Variants in CPEB3 observed in about 807,000 individuals in gnomAD.
CPEB3 encodes the protein cytoplasmic polyadenylation element binding protein 3, also known as cytoplasmic polyadenylation element-binding protein 3.
CPEB3 carries 20 observed loss-of-function variants against 67.2 expected under a neutral mutation model. That is an observed-to-expected ratio of 0.30 (90% confidence interval 0.21 to 0.43). The LOEUF (loss-of-function observed/expected upper bound fraction) is 0.43, where lower values mean the gene tolerates loss of function less well. Among genes scored for constraint, CPEB3 ranks in the 20% least tolerant of loss-of-function variants. The probability of loss-of-function intolerance (pLI) is 1.00; values close to 1 mark genes in which losing one functional copy is unlikely to be tolerated. For missense variants in CPEB3, 746 were observed against 968.6 expected, an observed-to-expected ratio of 0.77 and a Z score of 3.05; for synonymous variants, 376 against 393.1, an observed-to-expected ratio of 0.96 and a Z score of 0.51.
chr10:92,091,081 T>C (rs1161567342), intron 8 of CPEB3, among the ~76,000 whole-genome samples: 1 of 152,206 alleles, frequency 6.6e-6, no homozygotes, highest in Non-Finnish European at 1.5e-5. Flanking sequence ...TTAGGTTACA[T>C]TTTATAATTC....
chr10:92,258,014 G>A (rs1265676016), intron 1 of CPEB3, among the ~76,000 whole-genome samples: 1 of 151,930 alleles, frequency 6.6e-6, no homozygotes, highest in Non-Finnish European at 1.5e-5. Context: ...ACAAGCGTGA[G>A]TTATCGTGCC....
At chr10:92,095,820 T>C (rs1410367319) in intron 7 of CPEB3, among the ~76,000 whole-genome samples, 115 of 151,850 alleles carry the variant, frequency 7.6e-4, no homozygotes, top group Non-Finnish European at 2.1e-4. Flanking sequence ...TATACAAAAC[T>C]GGTCCTCCGT....
intron 7 of CPEB3, among the ~76,000 whole-genome samples, chr10:92,100,519 G>A (rs915189529): frequency 2.0e-5 from 3 of 151,972 alleles, no homozygotes; most frequent in South Asian, 2.1e-4. Flanking sequence ...CAGGTGATCC[G>A]CCCACCTCAG....
At chr10:92,070,499 G>A (rs767060766) in intron 9 of CPEB3, among the ~76,000 whole-genome samples, 6 of 151,970 alleles carry the variant, frequency 3.9e-5, no homozygotes, top group African/African-American at 1.2e-4. Flanking sequence ...AGATATGGCC[G>A]GACACAGTGG....
At chr10:92,152,971 T>C (rs1210644530) in intron 4 of CPEB3, among the ~76,000 whole-genome samples, 2 of 152,182 alleles carry the variant, frequency 1.3e-5, no homozygotes, top group African/African-American at 4.8e-5. Flanking sequence ...GTCTTTCTTT[T>C]GGCCCCTCCC....
intron 4 of CPEB3, among the ~76,000 whole-genome samples, chr10:92,167,238 G>A (rs1283194880): frequency 6.6e-6 from 1 of 152,140 alleles, no homozygotes; most frequent in Non-Finnish European, 1.5e-5. Flanking sequence ...CCATTAGTGT[G>A]TTCATTGGAA....
chr10:92,195,638 G>T (rs1289355590), intron 2 of CPEB3, among the ~76,000 whole-genome samples: 9 of 152,202 alleles, frequency 5.9e-5, no homozygotes, highest in African/African-American at 2.2e-4. Context: ...GAACTCTGAA[G>T]ACATGAGAGT....
chr10:92,069,447 A>G (rs977701729), intron 9 of CPEB3, among the ~76,000 whole-genome samples: 1 of 152,196 alleles, frequency 6.6e-6, no homozygotes, highest in African/African-American at 2.4e-5. Context: ...TCTGTCACGC[A>G]GGCTGGAGTG....
intron 4 of CPEB3, among the ~76,000 whole-genome samples, chr10:92,167,833 G>A (rs181453370): frequency 1.2e-4 from 18 of 152,050 alleles, no homozygotes; most frequent in Non-Finnish European, 2.5e-4. Flanking sequence ...GCTTAAACCC[G>A]GGAGGCAGAG....
chr10:92,172,295 C>T (rs946165039), intron 4 of CPEB3, among the ~76,000 whole-genome samples: 4 of 151,966 alleles, frequency 2.6e-5, no homozygotes, highest in African/African-American at 7.2e-5. Flanking sequence ...AACAAGACAA[C>T]AACAACAAAA....
chr10:92,114,499 T>C (rs766305601), intron 6 of CPEB3, among the ~76,000 whole-genome samples: 1 of 152,256 alleles, frequency 6.6e-6, no homozygotes, highest in Non-Finnish European at 1.5e-5. Flanking sequence ...ACAGAAGGTC[T>C]AGATTCGGGT....
chr10:92,053,432 C>T (rs922183963), intron 9 of CPEB3, among the ~76,000 whole-genome samples: 9 of 152,028 alleles, frequency 5.9e-5, no homozygotes, highest in African/African-American at 1.9e-4. Context: ...GGTGCGATCT[C>T]GGCTCACTGC....
intron 4 of CPEB3, among the ~76,000 whole-genome samples, chr10:92,150,232 T>G (rs1365518648): frequency 6.6e-6 from 1 of 151,988 alleles, no homozygotes; most frequent in African/African-American, 2.4e-5. Flanking sequence ...GAAAATAATC[T>G]ATTTCCCTCT....
chr10:92,134,986 T>C (rs548013158), intron 6 of CPEB3, among the ~76,000 whole-genome samples: 3 of 152,272 alleles, frequency 2.0e-5, no homozygotes, highest in Admixed American at 2.0e-4. Context: ...ACTGGATCCC[T>C]TCCTTACAAC....
intron 4 of CPEB3, among the ~76,000 whole-genome samples, chr10:92,162,732 A>G: frequency 6.6e-6 from 1 of 152,184 alleles, no homozygotes; most frequent in Admixed American, 6.5e-5. Flanking sequence ...ATGAGGCAAC[A>G]CTAAAATAGA....
At chr10:92,120,588 A>C (rs550235205) in intron 6 of CPEB3, among the ~76,000 whole-genome samples, 15 of 152,262 alleles carry the variant, frequency 9.9e-5, no homozygotes, top group Admixed American at 5.2e-4. Flanking sequence ...TCTCAAAAAA[A>C]ACAAAAAACA....
At chr10:92,055,334 G>A (rs1370124752) in intron 9 of CPEB3, among the ~76,000 whole-genome samples, 5 of 152,162 alleles carry the variant, frequency 3.3e-5, no homozygotes, top group Admixed American at 6.5e-5. Flanking sequence ...GAGGCCAGAG[G>A]CACAAAGTGA....
chr10:92,108,468 T>G (rs988872908), intron 7 of CPEB3, among the ~76,000 whole-genome samples: 1 of 152,108 alleles, frequency 6.6e-6, no homozygotes, highest in Non-Finnish European at 1.5e-5. Context: ...GTGGTAGATG[T>G]GGAGCTAAAA....
Position 92,164,556 on chromosome 10 carries a change from A to G in CPEB3, c.1222+16407T>C, listed in dbSNP as rs776670471. On this transcript the variant is annotated intron_variant, in intron 4 of 9. Transcript: ENST00000265997. Reference sequence around the variant, plus strand: ...CTATGATTTCATATTAATGAAACCAATATGTTTGACTTCCTTCACTTAGCA... The same window carrying G: ...CTATGATTTCATATTAATGAAACCAGTATGTTTGACTTCCTTCACTTAGCA... Among the ~76,000 whole-genome samples, 91 of 152,188 alleles carry G rather than the reference A, an allele frequency of 6.0e-4. 1 individual carries two copies. Among genetic ancestry groups the G allele is most frequent in the Non-Finnish European group, 9.7e-4 (66 of 68,030 alleles).
Sources: allele counts gnomAD v4.1 joint callset (sites outside exome capture counted in the v4.1 genomes callset), GRCh38; gene constraint gnomAD v4.1.1; transcripts MANE v1.5; gene names NCBI Gene and HGNC (gene_info 2026-07-23, HGNC 2026-07-21).